EXOC4: variants seen among roughly 807,000 people sequenced by gnomAD.
EXOC4 encodes SEC8-like 1.
In EXOC4, 71 loss-of-function variants were observed where a neutral mutation model predicts 107.2. That is an observed-to-expected ratio of 0.66 (90% CI 0.55 to 0.81). EXOC4 has a LOEUF of 0.81. EXOC4 is among the 30% of genes least tolerant of loss of function. The pLI, the probability that EXOC4 is intolerant of heterozygous loss-of-function variation, is 0.00. For synonymous variants in EXOC4, 456 were observed against 441.2 expected (o/e 1.03, Z -0.42); for missense variants, 1,108 against 1,189.6 (o/e 0.93, Z 1.01).
intron 10 of EXOC4, among the ~76,000 whole-genome samples, chr7:133,806,464 T>C (rs1797080327): frequency 6.6e-6 from 1 of 152,224 alleles, no homozygotes; most frequent in African/African-American, 2.4e-5. Context: ...GGGCTGGAGA[T>C]AATATTTGTT....
chr7:133,356,479 CAGG>C lies in EXOC4; in HGVS notation c.916_918del (p.Glu306del), dbSNP rs1796022623. On this transcript the variant is annotated inframe_deletion, in exon 6 of 18. Transcript: ENST00000253861. ...TAAGGCAATCATAGAGCGCTTGGAG[CAGG>C]AGTTGAAGCAAATTGTGAAGAGGTC... 4 of 1,614,098 alleles carry C rather than the reference CAGG, an allele frequency of 2.5e-6. No individual in the cohort carries two copies. The highest frequency in any genetic ancestry group is 3.4e-6 in the Non-Finnish European group (4 of 1,180,024).
chr7:133,911,734 C>G (rs565899503), intron 12 of EXOC4, among the ~76,000 whole-genome samples: 35 of 152,176 alleles, frequency 2.3e-4, no homozygotes, highest in Non-Finnish European at 4.7e-4. Flanking sequence ...ACCTACAGAT[C>G]CAACTATTTC....
intron 10 of EXOC4, among the ~76,000 whole-genome samples, chr7:133,724,931 G>T (rs1280743069): frequency 6.6e-6 from 1 of 152,220 alleles, no homozygotes; most frequent in African/African-American, 2.4e-5. Flanking sequence ...TGGGGATGAA[G>T]GGTGATCACA....
intron 17 of EXOC4, among the ~76,000 whole-genome samples, chr7:134,025,704 T>C (rs1315518984): frequency 6.6e-6 from 1 of 152,202 alleles, no homozygotes; most frequent in Admixed American, 6.5e-5. Context: ...CCCCTCTCCA[T>C]GTAGATTTTC....
intron 14 of EXOC4, among the ~76,000 whole-genome samples, chr7:133,971,169 T>C (rs1350912446): frequency 6.6e-6 from 1 of 151,608 alleles, no homozygotes; most frequent in African/African-American, 2.4e-5. Flanking sequence ...CCTTGGCAAA[T>C]GGAGGAAAAC....
intron 14 of EXOC4, among the ~76,000 whole-genome samples, chr7:133,950,512 C>A (rs1800664944): frequency 6.6e-6 from 1 of 150,514 alleles, no homozygotes; most frequent in Non-Finnish European, 1.5e-5. Flanking sequence ...GAACTCTCTC[C>A]TTAGGCCTCA....
At chr7:133,677,547 T>C (rs1435005821) in intron 10 of EXOC4, among the ~76,000 whole-genome samples, 1 of 152,244 alleles carries the variant, frequency 6.6e-6, no homozygotes, top group Non-Finnish European at 1.5e-5. Flanking sequence ...TCTTAAAGTT[T>C]GTTTTGCTCC....
At chr7:133,970,344 G>C (rs576594112) in intron 14 of EXOC4, among the ~76,000 whole-genome samples, 49 of 152,114 alleles carry the variant, frequency 3.2e-4, no homozygotes, top group African/African-American at 1.1e-3. Context: ...CCCTTTCCAG[G>C]GGGGTGAATG....
intron 10 of EXOC4, among the ~76,000 whole-genome samples, chr7:133,644,818 C>T (rs907413516): frequency 2.6e-5 from 4 of 152,064 alleles, no homozygotes; most frequent in Non-Finnish European, 4.4e-5. Flanking sequence ...CGCCTAGGCC[C>T]TCAGAATCTT....
chr7:133,577,192 T>C (rs1387993420), intron 9 of EXOC4, among the ~76,000 whole-genome samples: 2 of 152,202 alleles, frequency 1.3e-5, no homozygotes, highest in African/African-American at 4.8e-5. Context: ...GTGTTACCTC[T>C]ACTTATCTTT....
intron 17 of EXOC4, among the ~76,000 whole-genome samples, chr7:134,020,899 TG>T (rs1795013190): frequency 6.6e-6 from 1 of 151,286 alleles, no homozygotes; most frequent in Non-Finnish European, 1.5e-5. Context: ...AGCAGGAGAA[TG>T]GCGTGAACCC....
intron 9 of EXOC4, among the ~76,000 whole-genome samples, chr7:133,621,768 C>A (rs934096786): frequency 6.6e-6 from 1 of 152,196 alleles, no homozygotes; most frequent in South Asian, 2.1e-4. Context: ...TTTTTAAGGC[C>A]CTACCTCTTA....
intron 7 of EXOC4, among the ~76,000 whole-genome samples, chr7:133,471,257 C>A (rs902317398): frequency 1.3e-5 from 2 of 151,964 alleles, no homozygotes; most frequent in East Asian, 3.9e-4. Context: ...ACTACAAATA[C>A]AAAAATTAGC....
intron 10 of EXOC4, among the ~76,000 whole-genome samples, chr7:133,811,626 A>G (rs12707121): frequency 0.14 from 20,643 of 152,280 alleles, 1,771 homozygotes; most frequent in South Asian, 0.23. Context: ...GCTTGGTAGA[A>G]TGAATCTGTA....
At chr7:133,666,381 T>C (rs1251319018) in intron 10 of EXOC4, among the ~76,000 whole-genome samples, 1 of 152,092 alleles carries the variant, frequency 6.6e-6, no homozygotes, top group East Asian at 1.9e-4. Context: ...CCAGAATGGA[T>C]TGGGGTGACT....
intron 1 of EXOC4, among the ~76,000 whole-genome samples, chr7:133,273,739 G>A (rs1793926890): frequency 6.6e-6 from 1 of 152,152 alleles, no homozygotes; most frequent in Non-Finnish European, 1.5e-5. Context: ...CTATTGTACA[G>A]TATTTTGCTT....
At chr7:134,059,088 C>A (rs138396195) in intron 17 of EXOC4, among the ~76,000 whole-genome samples, 122 of 152,306 alleles carry the variant, frequency 8.0e-4, no homozygotes, top group South Asian at 6.4e-3. Context: ...AAAGGCAAAG[C>A]TTTCCTCAGA....
Position 133,785,613 on chromosome 7 carries a change from C to T in EXOC4, c.1515-31712C>T, listed in dbSNP as rs548894473. On this transcript the variant is annotated intron_variant, in intron 10 of 17. Coordinates refer to ENST00000253861, the MANE Select transcript of EXOC4 (RefSeq NM_021807.4). ...CAGCCCCCAAGAATGCCATTATTTC[C>T]AGTCACCAAACTGAGGCCAGAGGAA... 3.9e-5 allele frequency among the ~76,000 whole-genome samples: 6 copies of T among 152,214 alleles called. No individual in the cohort carries two copies. The East Asian group carries it at 1.2e-3, about 29-fold the overall frequency.
At chr7:133,834,186 C>T (rs1316567547) in intron 11 of EXOC4, among the ~76,000 whole-genome samples, 1 of 151,980 alleles carries the variant, frequency 6.6e-6, no homozygotes, top group Non-Finnish European at 1.5e-5. Flanking sequence ...TAATACTCTC[C>T]ACCCCTTTTC....
Sources: gnomAD v4.1 joint callset for allele counts (sites outside exome capture counted in the v4.1 genomes callset) on GRCh38, gnomAD v4.1.1 for gene constraint, MANE v1.5 for transcripts, NCBI Gene and HGNC (gene_info 2026-07-23, HGNC 2026-07-21) for gene names.